FTO: variants seen among roughly 807,000 people sequenced by gnomAD.
FTO encodes FTO alpha-ketoglutarate dependent dioxygenase.
Under a neutral mutation model 63.9 loss-of-function variants are expected in FTO, and 47 were observed. That is an observed-to-expected ratio of 0.74 (90% confidence interval 0.58 to 0.94). The LOEUF is 0.94. Among genes scored for constraint, FTO ranks in the 40% least tolerant of loss-of-function variants. The pLI is 0.00. For missense variants in FTO, 562 were observed against 618.1 expected (o/e 0.91, Z 0.96); for synonymous variants, 207 against 224.4 (o/e 0.92, Z 0.69).
At chr16:53,772,915 G>C (rs1373187778) in intron 1 of FTO, among the ~76,000 whole-genome samples, 2 of 152,004 alleles carry the variant, frequency 1.3e-5, no homozygotes. Flanking sequence ...TTGTCTTACA[G>C]ATTCAAAGCC....
rs575723041 is a variant in FTO at position 53,743,866 on chromosome 16, G to A, written c.45+39637G>A. On this transcript the variant is annotated intron_variant, in intron 1 of 8. Coordinates refer to ENST00000471389, the MANE Select transcript of FTO (RefSeq NM_001080432.3). The stretch of plus-strand genomic sequence containing the variant: ...GTTAATTTGCTCCAAGTTTAATAGA[G>A]TTTGGTTGCTTTCAGATTTTTTCCT... Among the ~76,000 whole-genome samples, 332 of 152,044 alleles carry A rather than the reference G, an allele frequency of 2.2e-3. 1 individual carries two copies. The highest frequency in any genetic ancestry group is 3.9e-3 in the Non-Finnish European group (263 of 67,974).
intron 3 of FTO, among the ~76,000 whole-genome samples, chr16:53,839,235 TG>T (rs1031887803): frequency 6.6e-6 from 1 of 152,160 alleles, no homozygotes; most frequent in Non-Finnish European, 1.5e-5. Flanking sequence ...TAGTGGGAGC[TG>T]GGAGCTGGGA....
chr16:53,873,894 C>G, intron 5 of FTO, 29 bp downstream of exon 5: 2 of 1,501,704 alleles, frequency 1.3e-6, no homozygotes, highest in South Asian at 1.1e-5. Flanking sequence ...GTGATTCACA[C>G]CTAATTGGAT....
chr16:53,912,278 C>G (rs2081730657), intron 7 of FTO, among the ~76,000 whole-genome samples: 1 of 152,134 alleles, frequency 6.6e-6, no homozygotes, highest in Non-Finnish European at 1.5e-5. Context: ...AGTCAGAAGT[C>G]CAGATACCTG....
Position 54,118,399 on chromosome 16 carries a change from A to G in FTO, c.*6484A>G, listed in dbSNP as rs2086986255. 7.0e-6 allele frequency: 1 copy of G among 142,686 alleles called. No individual in the cohort carries two copies. The highest frequency in any genetic ancestry group is 1.5e-5 in the Non-Finnish European group (1 of 66,668). 8.8% of individuals were successfully genotyped at this position (142,686 alleles called of 1,614,324 possible). On this transcript the variant is annotated 3_prime_UTR_variant, in exon 9 of 9. Transcript: ENST00000471389. Reference sequence around the variant, plus strand: ...TTTTCAGACAGGGTCTCACCCTGTCACGTAGGCTGGAGTGCAGTGGTGAGA... The same window carrying G: ...TTTTCAGACAGGGTCTCACCCTGTCGCGTAGGCTGGAGTGCAGTGGTGAGA...
chr16:54,057,466 T>A (rs77407440), intron 8 of FTO, among the ~76,000 whole-genome samples: 6,958 of 152,056 alleles, frequency 0.046, 203 homozygotes, highest in South Asian at 0.15. Flanking sequence ...GCAAATGTTG[T>A]TTTTTGTTTT....
chr16:54,000,317 A>G lies in FTO; in HGVS notation c.1364+66208A>G, dbSNP rs139204219. ...GCACAGAAGTCATACTCACATTTCA[A>G]AGAAAAACAGGAGAGTTGAAATAGA... On this transcript the variant is annotated intron_variant, in intron 8 of 8. Transcript: ENST00000471389. 2.8e-3 allele frequency among the ~76,000 whole-genome samples: 424 copies of G among 152,326 alleles called. 1 individual carries two copies. The highest frequency in any genetic ancestry group is 9.9e-3 in the African/African-American group (413 of 41,566).
At chr16:54,012,739 A>G (rs2084357846) in intron 8 of FTO, among the ~76,000 whole-genome samples, 1 of 152,178 alleles carries the variant, frequency 6.6e-6, no homozygotes, top group Non-Finnish European at 1.5e-5. Context: ...CCTGTGCTCT[A>G]TAAATGGAAC....
At chr16:54,103,037 T>A (rs781184506) in intron 8 of FTO, among the ~76,000 whole-genome samples, 7 of 152,078 alleles carry the variant, frequency 4.6e-5, no homozygotes, top group Non-Finnish European at 1.0e-4. Flanking sequence ...CTGCCTGTAC[T>A]CCCACCTACT....
intron 8 of FTO, among the ~76,000 whole-genome samples, chr16:53,967,561 C>A (rs537714037): frequency 6.6e-6 from 1 of 152,126 alleles, no homozygotes; most frequent in Admixed American, 6.6e-5. Flanking sequence ...TACAAGCCAA[C>A]GCAGTGAAAT....
intron 1 of FTO, among the ~76,000 whole-genome samples, chr16:53,715,803 C>T (rs768971293): frequency 5.3e-5 from 8 of 152,148 alleles, no homozygotes; most frequent in Non-Finnish European, 7.4e-5. Context: ...ACTCAGGTGC[C>T]CTCTTGGCAG....
chr16:53,810,255 T>G, intron 2 of FTO, 38 bp downstream of exon 2: 2 of 1,383,930 alleles, frequency 1.4e-6, no homozygotes, highest in Non-Finnish European at 2.1e-6. Context: ...TTCAGTGATG[T>G]GTTCTGATCA....
chr16:54,091,826 C>T (rs926607807), intron 8 of FTO, among the ~76,000 whole-genome samples: 1 of 152,230 alleles, frequency 6.6e-6, no homozygotes, highest in Non-Finnish European at 1.5e-5. Context: ...TACATAACCA[C>T]TCAGTGCCTC....
chr16:53,837,170 G>T (rs1394674738), intron 3 of FTO, among the ~76,000 whole-genome samples: 2 of 152,098 alleles, frequency 1.3e-5, no homozygotes, highest in African/African-American at 4.8e-5. Flanking sequence ...TTAGCTAATG[G>T]CCCGCATAGC....
intron 8 of FTO, among the ~76,000 whole-genome samples, chr16:54,000,873 A>G (rs1469835664): frequency 6.6e-6 from 1 of 152,168 alleles, no homozygotes; most frequent in East Asian, 1.9e-4. Flanking sequence ...AGAATTTCTA[A>G]GAACATAAAA....
chr16:54,054,696 G>A (rs1325833349), intron 8 of FTO: 2 of 152,132 alleles, frequency 1.3e-5, no homozygotes, highest in Non-Finnish European at 2.9e-5. Context: ...GCTTAGCAAC[G>A]GTGCCTGAAT....
intron 8 of FTO, among the ~76,000 whole-genome samples, chr16:53,960,139 A>T (rs2143622450): frequency 6.6e-6 from 1 of 152,276 alleles, no homozygotes; most frequent in Non-Finnish European, 1.5e-5. Context: ...TTTGTTAAAG[A>T]TGCAATGGGG....
chr16:53,906,771 A>T (rs958755786), intron 7 of FTO, among the ~76,000 whole-genome samples: 1 of 152,132 alleles, frequency 6.6e-6, no homozygotes, highest in Non-Finnish European at 1.5e-5. Flanking sequence ...AAAGTGGACC[A>T]GTGGCTGTCC....
intron 1 of FTO, among the ~76,000 whole-genome samples, chr16:53,763,268 G>A (rs1334673110): frequency 6.6e-6 from 1 of 152,122 alleles, no homozygotes; most frequent in Non-Finnish European, 1.5e-5. Context: ...AAATAAGGAT[G>A]AACCTTTTAA....
Sources: allele counts gnomAD v4.1 joint callset (sites outside exome capture counted in the v4.1 genomes callset), GRCh38; gene constraint gnomAD v4.1.1; transcripts MANE v1.5; gene names NCBI Gene and HGNC (gene_info 2026-07-23, HGNC 2026-07-21).